Variants in IMMP2L observed in about 807,000 individuals in gnomAD.
IMMP2L encodes the protein inner mitochondrial membrane peptidase subunit 2.
A neutral mutation model predicts 19.3 loss-of-function variants in IMMP2L; 18 were observed. The observed-to-expected ratio is 0.93, with a 90% CI of 0.64 to 1.38. IMMP2L has a LOEUF of 1.38. IMMP2L is among the 40% of genes most tolerant of loss of function. The pLI, the probability that IMMP2L is intolerant of heterozygous loss-of-function variation, is 0.00. For synonymous variants in IMMP2L, 76 were observed against 73.0 expected (o/e 1.04, Z -0.21); for missense variants, 233 against 218.2 (o/e 1.07, Z -0.43).
rs1314393863 is a variant in IMMP2L at position 110,803,714 on chromosome 7, G to A, written c.408+82879C>T. ...AGGGCAAGTCCTGATGGGCTGACAGGCTATCCCCTGGGAGCACTCCCAGCA... is the reference window on the plus strand; with the variant it reads ...AGGGCAAGTCCTGATGGGCTGACAGACTATCCCCTGGGAGCACTCCCAGCA... On this transcript the variant is annotated intron_variant, in intron 5 of 5. Coordinates refer to ENST00000405709, the MANE Select transcript of IMMP2L (RefSeq NM_032549.4). The surrounding 1 kb of genome is among the most constrained non-coding windows in gnomAD (Gnocchi z 4.2). 6.6e-6 allele frequency among the ~76,000 whole-genome samples: 1 copy of A among 152,022 alleles called. No individual in the cohort carries two copies. The highest frequency in any genetic ancestry group is 1.5e-5 in the Non-Finnish European group (1 of 67,978).
intron 3 of IMMP2L, among the ~76,000 whole-genome samples, chr7:111,098,787 G>GCTAACT (rs1797665718): frequency 6.6e-6 from 1 of 151,686 alleles, no homozygotes; most frequent in Non-Finnish European, 1.5e-5. Flanking sequence ...ACACGAAAAG[G>GCTAACT]AACCTAGGTT....
At chr7:110,814,038 T>A (rs1407500357) in intron 5 of IMMP2L, among the ~76,000 whole-genome samples, 1 of 152,020 alleles carries the variant, frequency 6.6e-6, no homozygotes, top group Non-Finnish European at 1.5e-5. Context: ...AAGACATCAA[T>A]TCCCAATGAA....
chr7:111,243,509 G>A (rs1815432698), intron 3 of IMMP2L, among the ~76,000 whole-genome samples: 1 of 67,758 alleles, frequency 1.5e-5, no homozygotes, highest in Non-Finnish European at 2.7e-5. Flanking sequence ...ATTTCTTGTT[G>A]CTTTATTTTT....
At chr7:110,955,258 G>C (rs1818251868) in intron 4 of IMMP2L, among the ~76,000 whole-genome samples, 1 of 151,664 alleles carries the variant, frequency 6.6e-6, no homozygotes, top group South Asian at 2.1e-4. Context: ...CTTTAGAAAA[G>C]AAAGAAATAT....
At position 111,455,303 on chromosome 7, in the gene IMMP2L, T is replaced by G. The variant is rs1373440123; in HGVS notation, c.239+31935A>C. 4.0e-5 allele frequency among the ~76,000 whole-genome samples: 6 copies of G among 151,532 alleles called. No individual in the cohort carries two copies. In the East Asian group the frequency reaches 5.9e-4, roughly 15 times the overall value. On this transcript the variant is annotated intron_variant, in intron 3 of 5. Transcript: ENST00000405709. ...TCTCCTTTGAATTATTTGTAACATC[T>G]TACTGATCCCCTCATTAATTAATGA...
chr7:111,279,677 G>A (rs1012942623), intron 3 of IMMP2L, among the ~76,000 whole-genome samples: 4 of 152,042 alleles, frequency 2.6e-5, no homozygotes, highest in South Asian at 2.1e-4. Context: ...TCAGGAAGTC[G>A]GGTGCAAAAA....
intron 3 of IMMP2L, among the ~76,000 whole-genome samples, chr7:111,358,152 T>C (rs1334762521): frequency 6.7e-6 from 1 of 149,806 alleles, no homozygotes; most frequent in Non-Finnish European, 1.5e-5. Context: ...CTATTTGATT[T>C]GCTGACATCT....
chr7:111,165,963 A>C (rs1441800089), intron 3 of IMMP2L, among the ~76,000 whole-genome samples: 1 of 152,108 alleles, frequency 6.6e-6, no homozygotes, highest in Non-Finnish European at 1.5e-5. Flanking sequence ...CTCATAAGTG[A>C]GTGATATATT....
At chr7:110,751,961 A>T (rs1333777097) in intron 5 of IMMP2L, among the ~76,000 whole-genome samples, 3 of 152,006 alleles carry the variant, frequency 2.0e-5, no homozygotes, top group Non-Finnish European at 4.4e-5. Flanking sequence ...GGCGGGAAAG[A>T]TTATTGAAAT....
At chr7:111,528,341 A>G (rs1042786740) in intron 1 of IMMP2L, among the ~76,000 whole-genome samples, 3 of 152,202 alleles carry the variant, frequency 2.0e-5, no homozygotes, top group East Asian at 1.9e-4. Context: ...AATAATTTTT[A>G]TCAGTTACCT....
At chr7:111,242,677 C>T (rs910203484) in intron 3 of IMMP2L, among the ~76,000 whole-genome samples, 2 of 151,966 alleles carry the variant, frequency 1.3e-5, no homozygotes, top group Non-Finnish European at 2.9e-5. Flanking sequence ...TCGTGCATCA[C>T]TGAATGCTGG....
intron 1 of IMMP2L, among the ~76,000 whole-genome samples, chr7:111,527,960 C>T (rs1390489984): frequency 2.0e-5 from 3 of 152,122 alleles, no homozygotes; most frequent in East Asian, 1.9e-4. Flanking sequence ...CAAAAGAAAA[C>T]GCTCAATTCA....
chr7:110,761,800 T>A (rs935712291), intron 5 of IMMP2L, among the ~76,000 whole-genome samples: 22 of 152,212 alleles, frequency 1.4e-4, no homozygotes, highest in African/African-American at 4.1e-4. Flanking sequence ...GCCCTTAACA[T>A]CTATGCCATG....
intron 5 of IMMP2L, among the ~76,000 whole-genome samples, chr7:110,668,537 A>G (rs1791614650): frequency 6.6e-6 from 1 of 152,192 alleles, no homozygotes; most frequent in Non-Finnish European, 1.5e-5. Flanking sequence ...TTGCCAATAT[A>G]TCTGCTCGCT....
At chr7:111,537,430 G>A (rs1395649620) in intron 1 of IMMP2L, among the ~76,000 whole-genome samples, 5 of 149,794 alleles carry the variant, frequency 3.3e-5, no homozygotes, top group East Asian at 2.0e-4. Flanking sequence ...ACTTTAAATC[G>A]TTCAATAACT....
intron 3 of IMMP2L, among the ~76,000 whole-genome samples, chr7:111,288,189 G>A (rs1820704842): frequency 6.6e-6 from 1 of 152,120 alleles, no homozygotes; most frequent in Non-Finnish European, 1.5e-5. Flanking sequence ...TAGATATGCA[G>A]CCATAAGCAG....
At chr7:111,453,566 TA>T (rs1488363641) in intron 3 of IMMP2L, among the ~76,000 whole-genome samples, 1 of 152,152 alleles carries the variant, frequency 6.6e-6, no homozygotes, top group African/African-American at 2.4e-5. Flanking sequence ...TAACTTGCTT[TA>T]AACTGATTAA....
intron 3 of IMMP2L, among the ~76,000 whole-genome samples, chr7:111,465,356 G>C (rs919743414): frequency 1.3e-5 from 2 of 151,682 alleles, no homozygotes; most frequent in African/African-American, 4.8e-5. Flanking sequence ...GGTCTATTCC[G>C]GCTTTTAAAA....
chr7:111,106,216 C>T (rs1798532815), intron 3 of IMMP2L, among the ~76,000 whole-genome samples: 1 of 151,868 alleles, frequency 6.6e-6, no homozygotes, highest in African/African-American at 2.4e-5. Context: ...CAATTGGGAA[C>T]TAAGAGAAGA....
Sources: gnomAD v4.1 joint callset for allele counts (sites outside exome capture counted in the v4.1 genomes callset) on GRCh38, gnomAD v4.1.1 for gene constraint, Gnocchi (gnomAD v3.1) non-coding constraint, MANE v1.5 for transcripts, NCBI Gene and HGNC (gene_info 2026-07-23, HGNC 2026-07-21) for gene names.